Variants in NRXN1 observed in about 807,000 individuals in gnomAD.
The protein encoded by NRXN1 is neurexin 1.
Under a neutral mutation model 150.9 loss-of-function variants are expected in NRXN1, and 39 were observed. The observed-to-expected ratio is 0.26, with a 90% CI of 0.20 to 0.34. The LOEUF (loss-of-function observed/expected upper bound fraction) is 0.34. NRXN1 is among the 10% of genes least tolerant of loss of function. NRXN1 has a pLI of 1.00. For missense variants in NRXN1, 1,815 were observed against 1,949.9 expected, an observed-to-expected ratio of 0.93 and a Z score of 1.30; for synonymous variants, 924 against 757.0, an observed-to-expected ratio of 1.22 and a Z score of -3.62.
Position 50,492,649 on chromosome 2 carries a change from T to A in NRXN1, c.3070+3256A>T, listed in dbSNP as rs967844381. On this transcript the variant is annotated intron_variant, in intron 15 of 22. Transcript: ENST00000401669. ...CCCGGGTCCTATGCAGCATGTTTTG[T>A]GGCCTTCTGCTGCCCTCTAGTGTCT... Among the ~76,000 whole-genome samples, 7 of 152,340 alleles carry A rather than the reference T, an allele frequency of 4.6e-5. No homozygotes were observed. In the East Asian group the frequency reaches 1.2e-3, roughly 25 times the overall value.
chr2:50,161,621 T>C (rs1205259002), intron 18 of NRXN1, among the ~76,000 whole-genome samples: 1 of 152,168 alleles, frequency 6.6e-6, no homozygotes, highest in Non-Finnish European at 1.5e-5. Flanking sequence ...TGTTGCAATG[T>C]TCCACAAAGT....
At chr2:50,868,776 T>C (rs1284513819) in intron 5 of NRXN1, among the ~76,000 whole-genome samples, 1 of 151,960 alleles carries the variant, frequency 6.6e-6, no homozygotes, top group East Asian at 2.0e-4. Flanking sequence ...TCTCTTCTCC[T>C]AATGGTCATT....
intron 21 of NRXN1, among the ~76,000 whole-genome samples, chr2:49,966,122 T>C (rs1230464531): frequency 1.3e-5 from 2 of 152,226 alleles, no homozygotes; most frequent in Non-Finnish European, 2.9e-5. Flanking sequence ...TTTGAAATCA[T>C]TCCAAATTAG....
chr2:50,117,193 T>C (rs1703185074), intron 18 of NRXN1, among the ~76,000 whole-genome samples: 1 of 152,156 alleles, frequency 6.6e-6, no homozygotes, highest in Non-Finnish European at 1.5e-5. Flanking sequence ...TCAGCCCATA[T>C]CCTTCTGCTT....
intron 8 of NRXN1, among the ~76,000 whole-genome samples, chr2:50,617,208 C>T (rs1649946795): frequency 1.3e-5 from 2 of 151,892 alleles, no homozygotes; most frequent in East Asian, 1.9e-4. Context: ...CCAAGGCGGG[C>T]AGATCACTTG....
chr2:50,944,592 T>C lies in NRXN1; in HGVS notation c.773-18637A>G, dbSNP rs537640927. On this transcript the variant is annotated intron_variant, in intron 2 of 22. Coordinates refer to ENST00000401669, the MANE Select transcript of NRXN1 (RefSeq NM_001330078.2). ...AACCAAACTTTTAAATCTTAACATA[T>C]TTACCAACAATTTTCTTATCCTATA... is the stretch of plus-strand genomic sequence containing the variant. Among the ~76,000 whole-genome samples, 8 of 152,240 alleles carry C rather than the reference T, an allele frequency of 5.3e-5. No individual in the cohort carries two copies. The East Asian group carries it at 1.4e-3, about 26-fold the overall frequency.
In NRXN1 at chr2:50,357,310, T is replaced by A. The variant is rs6545166; in HGVS notation, c.3364+108132A>T. The stretch of plus-strand genomic sequence containing the variant: ...CATTTATTTATTTATTTATTTTTTT[T>A]TTTATTTATTATTTTGAGACAAAGT... On this transcript the variant is annotated intron_variant, in intron 17 of 22. Transcript: ENST00000401669. 3.7e-3 allele frequency among the ~76,000 whole-genome samples: 376 copies of A among 101,290 alleles called. 1 individual carries two copies. The highest frequency in any genetic ancestry group is 5.2e-3 in the Middle Eastern group (1 of 194). 66.5% of individuals were successfully genotyped at this position (101,290 alleles called of 152,430 possible). A position where few individuals can be genotyped will look rare whatever the true frequency, so the allele number is the denominator to read the frequency against.
At chr2:49,996,033 A>G (rs1343542056) in intron 21 of NRXN1, among the ~76,000 whole-genome samples, 2 of 152,032 alleles carry the variant, frequency 1.3e-5, no homozygotes, top group Non-Finnish European at 2.9e-5. Context: ...GGAAGCTAGG[A>G]GTGGGATGGG....
intron 17 of NRXN1, among the ~76,000 whole-genome samples, chr2:50,244,842 C>T (rs1456951963): frequency 6.6e-6 from 1 of 151,618 alleles, no homozygotes; most frequent in Non-Finnish European, 1.5e-5. Flanking sequence ...ACCATGTTAT[C>T]ATCTATTTTG....
chr2:50,289,052 C>T (rs919662099), intron 17 of NRXN1, among the ~76,000 whole-genome samples: 1 of 151,986 alleles, frequency 6.6e-6, no homozygotes, highest in Non-Finnish European at 1.5e-5. Context: ...CTAGTAGCAA[C>T]TCACAGTATA....
At chr2:50,901,744 A>T (rs1682984495) in intron 5 of NRXN1, among the ~76,000 whole-genome samples, 2 of 152,228 alleles carry the variant, frequency 1.3e-5, no homozygotes, top group Admixed American at 6.5e-5. Context: ...TAGGTAATCA[A>T]AAACAGACTA....
chr2:50,638,879 G>T (rs1242287978), intron 5 of NRXN1, among the ~76,000 whole-genome samples: 1 of 152,012 alleles, frequency 6.6e-6, no homozygotes, highest in African/African-American at 2.4e-5. Context: ...TTCCATTCAA[G>T]GGCTTTGAAA....
intron 5 of NRXN1, among the ~76,000 whole-genome samples, chr2:50,874,064 G>A (rs1473724249): frequency 1.3e-5 from 2 of 151,844 alleles, no homozygotes; most frequent in Non-Finnish European, 2.9e-5. Flanking sequence ...TTGGCACACT[G>A]CACATGCTTA....
At chr2:49,977,107 T>A (rs1679121278) in intron 21 of NRXN1, among the ~76,000 whole-genome samples, 1 of 152,208 alleles carries the variant, frequency 6.6e-6, no homozygotes, top group African/African-American at 2.4e-5. Context: ...TAGATTCTAT[T>A]GTTGGCTCTT....
intron 21 of NRXN1, among the ~76,000 whole-genome samples, chr2:49,995,760 G>T (rs111335316): frequency 8.8e-5 from 11 of 125,012 alleles, no homozygotes; most frequent in Non-Finnish European, 1.6e-4. Context: ...CAGCCTGAGC[G>T]ACAGAGCGAG....
chr2:50,968,644 T>G (rs141906039), intron 2 of NRXN1, among the ~76,000 whole-genome samples: 1 of 152,150 alleles, frequency 6.6e-6, no homozygotes, highest in African/African-American at 2.4e-5. Context: ...TCAGAAATGC[T>G]GTATTATATT....
chr2:50,761,361 T>C (rs1050279340), intron 5 of NRXN1, among the ~76,000 whole-genome samples: 11 of 151,784 alleles, frequency 7.2e-5, no homozygotes, highest in Admixed American at 5.9e-4. Context: ...GAGTTTTTCC[T>C]GGCCGTTCTC....
chr2:50,014,544 A>G (rs1459597853), intron 21 of NRXN1, among the ~76,000 whole-genome samples: 4 of 152,122 alleles, frequency 2.6e-5, no homozygotes, highest in Non-Finnish European at 5.9e-5. Context: ...GTGACAATCG[A>G]AAGTGTCTCC....
chr2:50,597,130 T>C (rs1271605104), intron 8 of NRXN1, among the ~76,000 whole-genome samples: 6 of 152,054 alleles, frequency 3.9e-5, no homozygotes, highest in Non-Finnish European at 7.4e-5. Flanking sequence ...CAGGAACGAG[T>C]CACCGTGCCC....
Sources: allele counts gnomAD v4.1 joint callset (sites outside exome capture counted in the v4.1 genomes callset), GRCh38; gene constraint gnomAD v4.1.1; transcripts MANE v1.5; gene names NCBI Gene and HGNC (gene_info 2026-07-23, HGNC 2026-07-21).